DCST1: variants seen among roughly 807,000 people sequenced by gnomAD.
DCST1 encodes DC-STAMP domain containing 1, also known as E3 ubiquitin-protein ligase DCST1.
In DCST1, 78 loss-of-function variants were observed where a neutral mutation model predicts 89.1. The observed-to-expected ratio is 0.88, with a 90% CI of 0.73 to 1.06. The LOEUF (loss-of-function observed/expected upper bound fraction) is 1.06, where lower values mean the gene tolerates loss of function less well. Among genes scored for constraint, DCST1 ranks in the 50% least tolerant of loss-of-function variants. The pLI, the probability that DCST1 is intolerant of heterozygous loss-of-function variation, is 0.00. For synonymous variants in DCST1, 364 were observed against 371.9 expected (o/e 0.98, Z 0.24); for missense variants, 900 against 928.6 (o/e 0.97, Z 0.40).
rs780743549 is a variant in DCST1 at position 155,040,630 on chromosome 1, G to A, written c.531+6G>A. On this transcript the variant is annotated splice_donor_region_variant and intron_variant, in intron 6 of 16. Coordinates refer to ENST00000295542, the MANE Select transcript of DCST1 (RefSeq NM_152494.4). ...CCATGTTCAAGGACCTGCTGGTCAGGAATCTGCACAGGCAGAGCCTGGGGG... is the reference window on the plus strand; with the variant it reads ...CCATGTTCAAGGACCTGCTGGTCAGAAATCTGCACAGGCAGAGCCTGGGGG... 1.3e-6 allele frequency: 2 copies of A among 1,567,504 alleles called. No individual in the cohort carries two copies. Among genetic ancestry groups the A allele is most frequent in the Non-Finnish European group, 1.7e-6 (2 of 1,154,934 alleles).
intron 10 of DCST1, among the ~76,000 whole-genome samples, chr1:155,044,909 T>A (rs10796937): frequency 0.69 from 105,152 of 151,832 alleles, 36,931 homozygotes; most frequent in East Asian, 0.93. Context: ...CTTGAGATGG[T>A]GGGGGAAGGG....
At position 155,047,864 on chromosome 1, in the gene DCST1, C is replaced by T; in HGVS notation, c.1690C>T (p.Leu564Phe). The T allele has an allele frequency of 5.0e-6, 8 of 1,614,204 alleles. No homozygotes were observed. The highest frequency in any genetic ancestry group is 5.9e-6 in the Non-Finnish European group (7 of 1,180,030). The part of the protein sequence containing the change: ...AAVPIGLLVC[L>F]CLLQAFGYRL... ...AGTACCGATTGGCCTGTTAGTGTGTCTCTGCCTGTTACAGGCTTTTGGCTA... is the reference window on the plus strand; with the variant it reads ...AGTACCGATTGGCCTGTTAGTGTGTTTCTGCCTGTTACAGGCTTTTGGCTA... The change falls in exon 15 of 17, where the codon CTC becomes TTC. Residue 564 changes from leucine to phenylalanine, a missense_variant. Coordinates refer to ENST00000295542, the MANE Select transcript of DCST1 (RefSeq NM_152494.4).
At chr1:155,037,529 C>T (rs1158011945) in intron 4 of DCST1, among the ~76,000 whole-genome samples, 4 of 151,436 alleles carry the variant, frequency 2.6e-5, no homozygotes, top group Admixed American at 6.6e-5. Context: ...CTGCAATCTC[C>T]GCCTCCCGGG....
At chr1:155,049,627 G>A (rs1660803377) in intron 16 of DCST1, among the ~76,000 whole-genome samples, 1 of 152,040 alleles carries the variant, frequency 6.6e-6, no homozygotes. Flanking sequence ...TACAGGACCT[G>A]ACATTATAAA....
chr1:155,050,135 C>T (rs1294355160), intron 16 of DCST1, among the ~76,000 whole-genome samples: 1 of 152,226 alleles, frequency 6.6e-6, no homozygotes, highest in Non-Finnish European at 1.5e-5. Context: ...GTGGAAAATC[C>T]CTGACAACTG....
intron 16 of DCST1, among the ~76,000 whole-genome samples, chr1:155,049,735 C>T (rs919917450): frequency 3.9e-5 from 6 of 152,148 alleles, no homozygotes; most frequent in Admixed American, 2.0e-4. Flanking sequence ...TGGATACCCC[C>T]AGCCCCCATG....
Position 155,047,856 on chromosome 1 carries a change from T to C in DCST1, c.1682T>C (p.Leu561Ser). 1.2e-6 allele frequency: 2 copies of C among 1,614,198 alleles called. No homozygotes were observed. Among genetic ancestry groups the C allele is most frequent in the Non-Finnish European group, 1.7e-6 (2 of 1,180,036 alleles). The change falls in exon 15 of 17, where the codon TTA becomes TCA. Residue 561 changes from leucine (L) to serine (S), a missense_variant. Transcript: ENST00000295542. Reference protein sequence around the residue: ...YWRAAVPIGLLVCLCLLQAFG... With the variant: ...YWRAAVPIGLSVCLCLLQAFG... The stretch of plus-strand genomic sequence containing the variant: ...AGAGCTGCAGTACCGATTGGCCTGT[T>C]AGTGTGTCTCTGCCTGTTACAGGCT...
At position 155,041,631 on chromosome 1, in the gene DCST1, G is replaced by C. The variant is rs374933877; in HGVS notation, c.748+18G>C. The C allele has an allele frequency of 6.2e-7, 1 of 1,614,050 alleles. No individual in the cohort carries two copies. ...TTGCTCCTGTGAGGGGTATCCCTGG[G>C]GAGTGGAGGGTGGGGTGGGATGTGG... is the stretch of plus-strand genomic sequence containing the variant. On this transcript the variant is annotated intron_variant, in intron 7 of 16. Coordinates refer to ENST00000295542, the MANE Select transcript of DCST1 (RefSeq NM_152494.4).
chr1:155,048,496 C>T (rs572622209), intron 16 of DCST1, among the ~76,000 whole-genome samples: 1 of 152,302 alleles, frequency 6.6e-6, no homozygotes, highest in African/African-American at 2.4e-5. Flanking sequence ...GACAGGGTTT[C>T]ACCATGTTGG....
At chr1:155,036,954 G>T (rs932917242) in intron 4 of DCST1, among the ~76,000 whole-genome samples, 6 of 152,240 alleles carry the variant, frequency 3.9e-5, no homozygotes, top group African/African-American at 1.4e-4. Flanking sequence ...GGAGAATGGG[G>T]TCTCGCTATA....
chr1:155,040,656 G>T (rs1318237968), intron 6 of DCST1, 32 bp downstream of exon 6: 18 of 1,527,818 alleles, frequency 1.2e-5, no homozygotes, highest in Admixed American at 2.0e-5. Context: ...AGCCTGGGGG[G>T]TCCCTCTCCC....
intron 13 of DCST1, 112 bp downstream of exon 13, chr1:155,046,598 C>CTTTTTTT (rs1207452562): frequency 3.4e-5 from 14 of 415,792 alleles, no homozygotes; most frequent in Admixed American, 1.4e-4. Context: ...GTCCTTCTGC[C>CTTTTTTT]TCTTTTTTTT....
chr1:155,048,397 T>A (rs1000779022), intron 16 of DCST1, among the ~76,000 whole-genome samples: 4 of 152,222 alleles, frequency 2.6e-5, no homozygotes, highest in Non-Finnish European at 5.9e-5. Context: ...GTTCAAGCGA[T>A]TATCCTATCT....
intron 4 of DCST1, among the ~76,000 whole-genome samples, chr1:155,035,742 C>T (rs1660262875): frequency 6.6e-6 from 1 of 152,014 alleles, no homozygotes; most frequent in Admixed American, 6.5e-5. Flanking sequence ...CCAGCCTGGC[C>T]AACATGGTGA....
intron 4 of DCST1, 171 bp downstream of exon 4, chr1:155,034,898 T>A: frequency 1.5e-6 from 1 of 679,402 alleles, no homozygotes; most frequent in Non-Finnish European, 2.5e-6. Context: ...GCTGCCAATT[T>A]AAGAAGGAAG....
At chr1:155,049,749 C>T (rs755123794) in intron 16 of DCST1, among the ~76,000 whole-genome samples, 3 of 152,070 alleles carry the variant, frequency 2.0e-5, no homozygotes, top group Non-Finnish European at 4.4e-5. Flanking sequence ...CCCCATGACA[C>T]ACAATAGGGG....
intron 11 of DCST1, 48 bp from the exon 12 acceptor site, chr1:155,046,077 G>A: frequency 6.2e-7 from 1 of 1,613,930 alleles, no homozygotes; most frequent in Non-Finnish European, 8.5e-7. Context: ...GAGAGGAAAG[G>A]GCAGAGGGCC....
rs771791604 is a variant in DCST1, at chr1:155,050,891, C to T, written c.*23C>T. The T allele has an allele frequency of 1.9e-6, 3 of 1,601,678 alleles. No individual in the cohort carries two copies. The South Asian group carries it at 3.3e-5, about 18-fold the overall frequency. ...TGAAGAGGCGTCCTGCTCGCTCTTC[C>T]GCACCGTCCTTCCCGGTTAATAAAA... On this transcript the variant is annotated 3_prime_UTR_variant, in exon 17 of 17. Coordinates refer to ENST00000295542, the MANE Select transcript of DCST1 (RefSeq NM_152494.4).
Position 155,035,017 on chromosome 1 carries a change from T to C in DCST1, c.262+290T>C, listed in dbSNP as rs371258809. The C allele has an allele frequency of 1.1e-3, 438 of 403,308 alleles. 6 individuals carry two copies. The South Asian group carries it at 0.014, about 13-fold the overall frequency. 25.0% of individuals were successfully genotyped at this position (403,308 alleles called of 1,614,324 possible). ...CATAACTCTCATCTCTCCTGACCTG[T>C]CTGACCTCGTTTTCTGATCCTCCTA... On this transcript the variant is annotated intron_variant, in intron 4 of 16. Transcript: ENST00000295542.
Sources: gnomAD v4.1 joint callset for allele counts (sites outside exome capture counted in the v4.1 genomes callset) on GRCh38, gnomAD v4.1.1 for gene constraint, MANE v1.5 for transcripts, NCBI Gene and HGNC (gene_info 2026-07-23, HGNC 2026-07-21) for gene names.